Variants in CANX observed in about 807,000 individuals in gnomAD.
CANX encodes epididymis secretory sperm binding protein.
In CANX, 14 loss-of-function variants were observed where a neutral mutation model predicts 75.7. The ratio of observed to expected loss-of-function variants is 0.19; its 90% CI spans 0.12 to 0.29. The LOEUF (loss-of-function observed/expected upper bound fraction) is 0.29, where lower values mean the gene tolerates loss of function less well. Among genes scored for constraint, CANX ranks in the 10% least tolerant of loss-of-function variants. CANX has a pLI of 1.00. For synonymous variants in CANX, 227 were observed against 236.9 expected, an observed-to-expected ratio of 0.96 and a Z score of 0.38; for missense variants, 567 against 713.2, an observed-to-expected ratio of 0.79 and a Z score of 2.34.
intron 1 of CANX, chr5:179,681,023 T>C: frequency 3.0e-6 from 3 of 1,008,938 alleles, no homozygotes; most frequent in Non-Finnish European, 4.5e-6. Context: ...GCTGAGCTGC[T>C]GTCCCAGGGC....
intron 1 of CANX, chr5:179,680,806 T>C (rs1339498103): frequency 5.3e-6 from 7 of 1,312,520 alleles, no homozygotes; most frequent in African/African-American, 2.9e-5. Context: ...CCCTCTGTTA[T>C]GCCTTCGTTA....
chr5:179,678,872 C>A, intron 1 of CANX: 1 of 1,536,306 alleles, frequency 6.5e-7, no homozygotes, highest in East Asian at 2.4e-5. Context: ...CGACCGCGTC[C>A]TCGCCAGCTG....
At chr5:179,698,966 C>G (rs1218561013), upstream of CANX, 10 of 1,121,778 alleles carry the variant, frequency 8.9e-6, no homozygotes, top group Non-Finnish European at 9.9e-6. Context: ...GCTCGCGCGG[C>G]AGCGGTGGCC....
Position 179,728,887 on chromosome 5 carries a change from G to A in CANX, c.*243G>A. 3.7e-6 allele frequency: 2 copies of A among 540,374 alleles called. No homozygotes were observed. The highest frequency in any genetic ancestry group is 2.0e-5 in the African/African-American group (1 of 50,860). 33.5% of individuals were successfully genotyped at this position (540,374 alleles called of 1,614,324 possible). Reference sequence around the variant, plus strand: ...ACATTTAACATAATGGTTGTGAAATGTAACATGAAGCAAACTAACTTTTTT... The same window carrying A: ...ACATTTAACATAATGGTTGTGAAATATAACATGAAGCAAACTAACTTTTTT... On this transcript the variant is annotated 3_prime_UTR_variant, in exon 15 of 15. Coordinates refer to ENST00000247461, the MANE Select transcript of CANX (RefSeq NM_001746.4).
chr5:179,722,789 CAT>C lies in CANX; in HGVS notation c.1183-14_1183-13del, dbSNP rs1491322783. Reference sequence around the variant, plus strand: ...CATTATCTGAAATGATTTTCTGAAACATTTTTTTTTCTAGGGAATCTGGAAAC... The same window carrying C: ...CATTATCTGAAATGATTTTCTGAAACTTTTTTTTCTAGGGAATCTGGAAAC... On this transcript the variant is annotated splice_polypyrimidine_tract_variant and intron_variant, in intron 10 of 14. Transcript: ENST00000247461. 6.5e-7 allele frequency: 1 copy of C among 1,542,114 alleles called. No homozygotes were observed. Among genetic ancestry groups the C allele is most frequent in the African/African-American group, 1.4e-5 (1 of 72,948 alleles).
At chr5:179,706,864 A>G (rs1292431583) in intron 3 of CANX, among the ~76,000 whole-genome samples, 3 of 152,082 alleles carry the variant, frequency 2.0e-5, no homozygotes, top group Admixed American at 2.0e-4. Context: ...ACTCTACCCT[A>G]TATTTTGTTC....
intron 10 of CANX, among the ~76,000 whole-genome samples, chr5:179,721,822 A>G (rs920009097): frequency 3.3e-5 from 5 of 152,128 alleles, no homozygotes; most frequent in African/African-American, 1.2e-4. Flanking sequence ...ATACTAATAT[A>G]TGTATATACA....
At chr5:179,694,510 A>C (rs964436123), upstream of CANX, 29 of 760,018 alleles carry the variant, frequency 3.8e-5, no homozygotes, top group Non-Finnish European at 6.2e-5. Flanking sequence ...ATCCGCCCCA[A>C]GATCAAATCC....
chr5:179,702,919 G>A (rs1241997291), intron 1 of CANX, among the ~76,000 whole-genome samples: 11 of 152,062 alleles, frequency 7.2e-5, no homozygotes, highest in Admixed American at 5.9e-4. Context: ...ACAGGCATCT[G>A]CCACCACACC....
chr5:179,707,655 T>A (rs1562475480), intron 4 of CANX, among the ~76,000 whole-genome samples: 1 of 125,844 alleles, frequency 7.9e-6, no homozygotes, highest in Non-Finnish European at 1.8e-5. Flanking sequence ...ATTTTTTTTT[T>A]TTTTTTTTTT....
chr5:179,679,249 C>T, intron 1 of CANX: 1 of 1,526,928 alleles, frequency 6.5e-7, no homozygotes, highest in Non-Finnish European at 8.8e-7. Flanking sequence ...ATGATGAAGG[C>T]GAGCCAGGGG....
At chr5:179,714,758 T>A (rs575650242) in intron 7 of CANX, among the ~76,000 whole-genome samples, 1 of 151,840 alleles carries the variant, frequency 6.6e-6, no homozygotes, top group Non-Finnish European at 1.5e-5. Flanking sequence ...ACCTCGTGAT[T>A]CGCCCGTCTC....
At chr5:179,712,116 TG>T (rs1338893831) in intron 7 of CANX, among the ~76,000 whole-genome samples, 21 of 136,782 alleles carry the variant, frequency 1.5e-4, no homozygotes, top group Admixed American at 7.9e-4. Context: ...AAAAAAAAGG[TG>T]TTTTTTTTTT....
At position 179,723,037 on chromosome 5, in the gene CANX, G is replaced by C. The variant is rs1269819140; in HGVS notation, c.1398+18G>C. 1.4e-5 allele frequency: 22 copies of C among 1,601,010 alleles called. No homozygotes were observed. Among genetic ancestry groups the C allele is most frequent in the Non-Finnish European group, 1.9e-5 (22 of 1,168,352 alleles). ...CTGCTGAGGTTCGTGTTTGCTGCTTGTGCATTTGTGTCTGTTATTGTAAGG... is the reference window on the plus strand; with the variant it reads ...CTGCTGAGGTTCGTGTTTGCTGCTTCTGCATTTGTGTCTGTTATTGTAAGG... On this transcript the variant is annotated intron_variant, in intron 11 of 14. Coordinates refer to ENST00000247461, the MANE Select transcript of CANX (RefSeq NM_001746.4).
chr5:179,714,354 G>A (rs1490689718), intron 7 of CANX, among the ~76,000 whole-genome samples: 1 of 151,940 alleles, frequency 6.6e-6, no homozygotes, highest in Non-Finnish European at 1.5e-5. Flanking sequence ...AATATCACAC[G>A]TACCCCGAAA....
intron 1 of CANX, among the ~76,000 whole-genome samples, chr5:179,704,814 C>T (rs772616260): frequency 4.0e-5 from 6 of 151,816 alleles, no homozygotes; most frequent in East Asian, 1.9e-4. Context: ...CCAGCCTGGG[C>T]GACAGAGGGA....
chr5:179,680,549 C>A (rs1776036432), intron 1 of CANX, among the ~76,000 whole-genome samples: 1 of 152,070 alleles, frequency 6.6e-6, no homozygotes, highest in African/African-American at 2.4e-5. Flanking sequence ...TGGGCTAGAC[C>A]TATGCATAGG....
intron 7 of CANX, among the ~76,000 whole-genome samples, chr5:179,710,914 G>A (rs761083605): frequency 1.3e-5 from 2 of 151,668 alleles, no homozygotes; most frequent in East Asian, 1.9e-4. Flanking sequence ...TTAGCTGGGC[G>A]TGGTGTTGAG....
At chr5:179,726,364 CAGG>C (rs1778670589) in intron 13 of CANX, among the ~76,000 whole-genome samples, 1 of 152,140 alleles carries the variant, frequency 6.6e-6, no homozygotes, top group East Asian at 1.9e-4. Context: ...ATCATGAGGT[CAGG>C]AGATCGAGAC....
Sources: gnomAD v4.1 joint callset for allele counts (sites outside exome capture counted in the v4.1 genomes callset) on GRCh38, gnomAD v4.1.1 for gene constraint, MANE v1.5 for transcripts, NCBI Gene and HGNC (gene_info 2026-07-23, HGNC 2026-07-21) for gene names.